The following MAN2A1 variants were observed in gnomAD, a reference collection of about 807,000 sequenced individuals.
MAN2A1 encodes the protein alpha-mannosidase 2.
Under a neutral mutation model 142.6 loss-of-function variants are expected in MAN2A1, and 76 were observed. The ratio of observed to expected loss-of-function variants is 0.53; its 90% CI spans 0.44 to 0.65. The LOEUF (loss-of-function observed/expected upper bound fraction) is 0.65, where lower values mean the gene tolerates loss of function less well. Ranked by LOEUF, MAN2A1 falls within the 30% of genes least tolerant of loss-of-function variation. MAN2A1 has a pLI of 0.00. For missense variants in MAN2A1, 1,311 were observed against 1,365.1 expected (o/e 0.96, Z 0.62); for synonymous variants, 559 against 473.2 (o/e 1.18, Z -2.35).
At chr5:109,700,176 C>T (rs546952470) in intron 1 of MAN2A1, among the ~76,000 whole-genome samples, 16 of 152,028 alleles carry the variant, frequency 1.1e-4, no homozygotes, top group African/African-American at 3.6e-4. Flanking sequence ...TTATTGATTC[C>T]TGTCTCTTGA....
chr5:109,692,724 G>A (rs1076510), intron 1 of MAN2A1, among the ~76,000 whole-genome samples: 21,933 of 150,036 alleles, frequency 0.15, 1,604 homozygotes, highest in Non-Finnish European at 0.17. Context: ...AAAATATAGA[G>A]CAGTGATCCT....
At chr5:109,770,236 C>A in intron 6 of MAN2A1, 119 bp from the exon 7 acceptor site, 1 of 863,986 alleles carries the variant, frequency 1.2e-6, no homozygotes, top group South Asian at 1.7e-5. Flanking sequence ...GTTAAAGGGG[C>A]TGCTGATTTA....
intron 4 of MAN2A1, 70 bp from the exon 5 acceptor site, chr5:109,755,259 G>A (rs1319662323): frequency 1.7e-6 from 2 of 1,201,126 alleles, no homozygotes; most frequent in Non-Finnish European, 2.4e-6. Context: ...TAATGTTTAT[G>A]CTTGTTTAGT....
At chr5:109,794,904 G>A (rs1464975093) in intron 12 of MAN2A1, among the ~76,000 whole-genome samples, 1 of 151,806 alleles carries the variant, frequency 6.6e-6, no homozygotes, top group African/African-American at 2.4e-5. Flanking sequence ...GGTATAGGTT[G>A]GCTAGTTCCC....
chr5:109,805,834 A>G (rs750508232), intron 12 of MAN2A1, among the ~76,000 whole-genome samples: 5 of 152,256 alleles, frequency 3.3e-5, no homozygotes, highest in African/African-American at 9.6e-5. Context: ...ACTGTGGACA[A>G]TAACCAAGTG....
At chr5:109,798,657 C>G (rs1561517605) in intron 12 of MAN2A1, among the ~76,000 whole-genome samples, 1 of 151,862 alleles carries the variant, frequency 6.6e-6, no homozygotes, top group Non-Finnish European at 1.5e-5. Context: ...CCTTTTCATT[C>G]TGTGTTTTGT....
intron 11 of MAN2A1, 55 bp from the exon 12 acceptor site, chr5:109,789,405 G>T: frequency 1.0e-6 from 1 of 996,134 alleles, no homozygotes; most frequent in Non-Finnish European, 1.5e-6. Context: ...TCTGGTTTCA[G>T]GATGAGTCCA....
At chr5:109,796,951 G>C (rs1753879879) in intron 12 of MAN2A1, among the ~76,000 whole-genome samples, 1 of 152,190 alleles carries the variant, frequency 6.6e-6, no homozygotes, top group African/African-American at 2.4e-5. Flanking sequence ...TAGAGAGCTT[G>C]TTTGGTTTTG....
chr5:109,751,405 C>G (rs184972783), intron 4 of MAN2A1, among the ~76,000 whole-genome samples: 1 of 152,050 alleles, frequency 6.6e-6, no homozygotes, highest in Non-Finnish European at 1.5e-5. Context: ...TCATCTAAAT[C>G]AACACTTAGG....
intron 16 of MAN2A1, among the ~76,000 whole-genome samples, chr5:109,833,099 A>G (rs1442427394): frequency 2.8e-5 from 4 of 143,764 alleles, no homozygotes; most frequent in Non-Finnish European, 6.0e-5. Flanking sequence ...CGCTCCCCAT[A>G]TCTCAGACGA....
At chr5:109,749,676 T>C (rs1752496160) in intron 4 of MAN2A1, among the ~76,000 whole-genome samples, 1 of 152,072 alleles carries the variant, frequency 6.6e-6, no homozygotes, top group South Asian at 2.1e-4. Flanking sequence ...GAGAATGTCT[T>C]GGTAGAAATT....
intron 12 of MAN2A1, among the ~76,000 whole-genome samples, chr5:109,803,622 T>C (rs185775755): frequency 1.3e-5 from 2 of 152,204 alleles, no homozygotes; most frequent in Admixed American, 6.5e-5. Context: ...AGAATTGTCA[T>C]GGAAAGTACC....
At chr5:109,863,349 G>T (rs934172034) in intron 20 of MAN2A1, 6 of 152,190 alleles carry the variant, frequency 3.9e-5, no homozygotes, top group Non-Finnish European at 1.5e-5. Flanking sequence ...CCAGATCTTT[G>T]TTAAGCTATT....
At chr5:109,699,321 T>C (rs1750906418) in intron 1 of MAN2A1, among the ~76,000 whole-genome samples, 1 of 152,166 alleles carries the variant, frequency 6.6e-6, no homozygotes, top group South Asian at 2.1e-4. Context: ...ACTCTGACTA[T>C]AGGTTGGTTA....
intron 19 of MAN2A1, chr5:109,853,459 A>G (rs1369390107): frequency 6.6e-6 from 1 of 152,196 alleles, no homozygotes; most frequent in Non-Finnish European, 1.5e-5. Context: ...GGTTTGGAGG[A>G]TTGGTATATA....
At chr5:109,794,304 T>C (rs1171709969) in intron 12 of MAN2A1, 1 of 152,112 alleles carries the variant, frequency 6.6e-6, no homozygotes, top group African/African-American at 2.4e-5. Context: ...GTGGAGGAGA[T>C]GGAAGTGTTA....
At chr5:109,853,472 C>G (rs931851280) in intron 19 of MAN2A1, 1 of 152,172 alleles carries the variant, frequency 6.6e-6, no homozygotes, top group African/African-American at 2.4e-5. Context: ...GGTATATATG[C>G]ACGTTATTGC....
intron 4 of MAN2A1, among the ~76,000 whole-genome samples, chr5:109,753,960 G>C (rs1004288719): frequency 6.6e-6 from 1 of 150,840 alleles, no homozygotes. Flanking sequence ...CCAGGCTGGA[G>C]TGCAGTGGCG....
At chr5:109,716,486 TAAAC>T (rs1207201964) in intron 3 of MAN2A1, among the ~76,000 whole-genome samples, 3 of 152,152 alleles carry the variant, frequency 2.0e-5, no homozygotes, top group African/African-American at 4.8e-5. Flanking sequence ...GAAATGGTAA[TAAAC>T]AAAAAAGAAG....
Sources: gnomAD v4.1 joint callset for allele counts (sites outside exome capture counted in the v4.1 genomes callset) on GRCh38, gnomAD v4.1.1 for gene constraint, MANE v1.5 for transcripts, NCBI Gene and HGNC (gene_info 2026-07-23, HGNC 2026-07-21) for gene names.